The following SPTBN1 variants were observed in gnomAD, a reference collection of about 807,000 sequenced individuals.
The protein encoded by SPTBN1 is spectrin beta, non-erythrocytic 1, also known as spectrin beta chain, non-erythrocytic 1.
SPTBN1 carries 32 observed loss-of-function variants against 266.4 expected under a neutral mutation model. That is an observed-to-expected ratio of 0.12 (90% CI 0.09 to 0.16). The LOEUF is 0.16. Among genes scored for constraint, SPTBN1 ranks in the 10% least tolerant of loss-of-function variants. The probability of loss-of-function intolerance (pLI) is 1.00; values close to 1 mark genes in which losing one functional copy is unlikely to be tolerated. For synonymous variants in SPTBN1, 1,336 were observed against 1,162.2 expected (o/e 1.15, Z -3.04); for missense variants, 2,296 against 3,067.1 (o/e 0.75, Z 5.94).
intron 32 of SPTBN1, chr2:54,660,310 TTTA>T: frequency 1.5e-6 from 2 of 1,300,572 alleles, no homozygotes; most frequent in Non-Finnish European, 2.0e-6. Flanking sequence ...AGCTTTTTAC[TTTA>T]TTAAGATTTT....
At position 54,631,474 on chromosome 2, in the gene SPTBN1, C is replaced by T; in HGVS notation, c.3427C>T (p.Arg1143Trp). Residue 1143 changes from arginine to tryptophan, a missense_variant, in exon 16 of 36, where the codon CGG becomes TGG. By Grantham distance (101) the Arg-to-Trp change is moderately radical. Coordinates refer to ENST00000356805, the MANE Select transcript of SPTBN1 (RefSeq NM_003128.3). ...TDAQYMFLRQ[R>W]LQALDTGWNE... ...TGCCCAGTACATGTTTCTGCGGCAG[C>T]GGCTGCAGGCCCTGGACACTGGATG... 1 of 1,614,242 alleles carries T rather than the reference C, an allele frequency of 6.2e-7. No homozygotes were observed. The highest frequency in any genetic ancestry group is 8.5e-7 in the Non-Finnish European group (1 of 1,180,038).
At chr2:54,497,030 T>G (rs1177185850) in intron 1 of SPTBN1, among the ~76,000 whole-genome samples, 1 of 152,196 alleles carries the variant, frequency 6.6e-6, no homozygotes, top group Non-Finnish European at 1.5e-5. Flanking sequence ...TTTATGGAAG[T>G]CGTTGCTCAG....
intron 1 of SPTBN1, among the ~76,000 whole-genome samples, chr2:54,491,163 CT>C (rs1213220671): frequency 6.6e-6 from 1 of 152,164 alleles, no homozygotes. Flanking sequence ...CAAGGTTAGA[CT>C]TTGTAAATTT....
chr2:54,600,924 A>G (rs894134441), intron 3 of SPTBN1, among the ~76,000 whole-genome samples: 3 of 152,102 alleles, frequency 2.0e-5, no homozygotes, highest in Non-Finnish European at 2.9e-5. Flanking sequence ...TTATACCAAG[A>G]AGATTGTGTC....
intron 2 of SPTBN1, among the ~76,000 whole-genome samples, chr2:54,569,529 G>A (rs956032599): frequency 6.6e-6 from 1 of 152,156 alleles, no homozygotes; most frequent in African/African-American, 2.4e-5. Flanking sequence ...CAGTTTAGAA[G>A]TGTTAATATA....
At chr2:54,589,406 G>A (rs762098424) in intron 2 of SPTBN1, among the ~76,000 whole-genome samples, 2 of 152,174 alleles carry the variant, frequency 1.3e-5, no homozygotes, top group African/African-American at 4.8e-5. Context: ...GGGTTGTGCC[G>A]CTCAGAAGAA....
At position 54,492,341 on chromosome 2, in the gene SPTBN1, G is replaced by GTTTTTTTTTTTTTT. The variant is rs780631106; in HGVS notation, c.-47-34024_-47-34023insTTTTTTTTTTTTTT. Among the ~76,000 whole-genome samples, 5 of 88,392 alleles carry GTTTTTTTTTTTTTT rather than the reference G, an allele frequency of 5.7e-5. 1 individual carries two copies. The highest frequency in any genetic ancestry group is 2.1e-4 in the African/African-American group (5 of 24,132). 58.0% of individuals were successfully genotyped at this position (88,392 alleles called of 152,430 possible). A position where few individuals can be genotyped will look rare whatever the true frequency, so the allele number is the denominator to read the frequency against. On this transcript the variant is annotated intron_variant, in intron 1 of 35. Coordinates refer to ENST00000356805, the MANE Select transcript of SPTBN1 (RefSeq NM_003128.3). ...CTGGACATTTAGTTTGTCTGCAGTT[G>GTTTTTTTTTTTTTT]TTTTTTTGTTTTTTTTTTTTTTTGC...
Position 54,671,079 on chromosome 2 carries a change from C to T in SPTBN1, c.*2510C>T. The T allele has an allele frequency of 3.0e-6, 1 of 333,132 alleles. No individual in the cohort carries two copies. Among genetic ancestry groups the T allele is most frequent in the Non-Finnish European group, 5.4e-6 (1 of 185,380 alleles). 20.6% of individuals were successfully genotyped at this position (333,132 alleles called of 1,614,324 possible). ...ACAATATGGGTGACAATACTGGCCC[C>T]TCCATAAATCTGAAGAGTAAGAAGT... On this transcript the variant is annotated 3_prime_UTR_variant, in exon 36 of 36. Transcript: ENST00000356805.
At chr2:54,585,246 A>G (rs62134684) in intron 2 of SPTBN1, among the ~76,000 whole-genome samples, 22,572 of 152,234 alleles carry the variant, frequency 0.15, 1,744 homozygotes, top group Middle Eastern at 0.23. Context: ...TAGTGTTCCT[A>G]TAATGCAAAA....
rs537671653 is a variant in SPTBN1 at position 54,558,292 on chromosome 2, T to C, written c.148+31726T>C. On this transcript the variant is annotated intron_variant, in intron 2 of 35. Transcript: ENST00000356805. This position sits in a 1 kb window ranked among gnomAD's most constrained non-coding sequence, Gnocchi z 4.6. ...CTCGTGGTATAGCCTGCATTTCTAATACAATGCTGTTATGCTAATCAGGTG... is the reference window on the plus strand; with the variant it reads ...CTCGTGGTATAGCCTGCATTTCTAACACAATGCTGTTATGCTAATCAGGTG... 1 of 985,752 alleles carries C rather than the reference T, an allele frequency of 1.0e-6. No homozygotes were observed. Among genetic ancestry groups the C allele is most frequent in the African/African-American group, 1.7e-5 (1 of 57,322 alleles). The allele number at this position is 985,752 out of a possible 1,614,324, so 61.1% of individuals were successfully genotyped here. A position where few individuals can be genotyped will look rare whatever the true frequency, so the allele number is the denominator to read the frequency against.
intron 34 of SPTBN1, 47 bp from the exon 35 acceptor site, chr2:54,667,557 T>C (rs771973639): frequency 3.2e-6 from 5 of 1,586,958 alleles, no homozygotes; most frequent in Non-Finnish European, 4.3e-6. Context: ...GGGATTTTTA[T>C]TTCTCTGTAA....
intron 1 of SPTBN1, among the ~76,000 whole-genome samples, chr2:54,469,476 C>T (rs1250421604): frequency 2.0e-5 from 3 of 152,180 alleles, no homozygotes; most frequent in Admixed American, 6.5e-5. Flanking sequence ...AGGGATTCTT[C>T]TGAAACTCCT....
At chr2:54,485,231 C>G (rs1371481103) in intron 1 of SPTBN1, among the ~76,000 whole-genome samples, 1 of 152,046 alleles carries the variant, frequency 6.6e-6, no homozygotes, top group Non-Finnish European at 1.5e-5. Context: ...TGGTCTCCCT[C>G]TGATGCCAAG....
At chr2:54,519,190 A>G (rs1053126082) in intron 1 of SPTBN1, among the ~76,000 whole-genome samples, 1 of 152,150 alleles carries the variant, frequency 6.6e-6, no homozygotes, top group African/African-American at 2.4e-5. Context: ...CAGGCAGCCC[A>G]TTTAGAAACA....
At chr2:54,468,699 G>A (rs1693767121) in intron 1 of SPTBN1, among the ~76,000 whole-genome samples, 1 of 152,172 alleles carries the variant, frequency 6.6e-6, no homozygotes, top group Non-Finnish European at 1.5e-5. Flanking sequence ...TCTCTTTTAT[G>A]AATAATGTCT....
intron 1 of SPTBN1, among the ~76,000 whole-genome samples, chr2:54,517,333 G>C (rs2104262686): frequency 1.3e-5 from 2 of 151,452 alleles, no homozygotes; most frequent in Admixed American, 1.3e-4. Context: ...TCAAAATAGA[G>C]TTCATATGTT....
chr2:54,519,612 G>T (rs752720197), intron 1 of SPTBN1, among the ~76,000 whole-genome samples: 11 of 152,196 alleles, frequency 7.2e-5, no homozygotes, highest in Non-Finnish European at 1.3e-4. Context: ...CAAGGTCCTC[G>T]TGAAGAATCT....
chr2:54,472,167 A>G lies in SPTBN1; in HGVS notation c.-48+15649A>G, dbSNP rs569316827. ...CTCAGCCTCCTGAGTAGCTGGGACTACAGGCACCCACCACCACGCCCAGCT... is the reference window on the plus strand; with the variant it reads ...CTCAGCCTCCTGAGTAGCTGGGACTGCAGGCACCCACCACCACGCCCAGCT... On this transcript the variant is annotated intron_variant, in intron 1 of 35. Transcript: ENST00000356805. 7.7e-3 allele frequency among the ~76,000 whole-genome samples: 1,164 copies of G among 151,480 alleles called. 17 individuals are homozygous for G. The highest frequency in any genetic ancestry group is 0.027 in the African/African-American group (1,116 of 41,250).
chr2:54,562,533 C>CTTTTTTTTTTTTTTT (rs1553447705), intron 2 of SPTBN1, among the ~76,000 whole-genome samples: 26 of 126,824 alleles, frequency 2.1e-4, no homozygotes, highest in African/African-American at 7.4e-4. Context: ...TTTTCTTTTT[C>CTTTTTTTTTTTTTTT]TTTTTTTTTT....
Sources: gnomAD v4.1 joint callset for allele counts (sites outside exome capture counted in the v4.1 genomes callset) on GRCh38, gnomAD v4.1.1 for gene constraint, Gnocchi (gnomAD v3.1) non-coding constraint, MANE v1.5 for transcripts, NCBI Gene and HGNC (gene_info 2026-07-23, HGNC 2026-07-21) for gene names.